L3MBTL4: variants seen among roughly 807,000 people sequenced by gnomAD.
L3MBTL4 encodes lethal(3)malignant brain tumor-like protein 4.
A neutral mutation model predicts 84.5 loss-of-function variants in L3MBTL4; 70 were observed. The observed-to-expected ratio is 0.83, with a 90% CI of 0.68 to 1.01. L3MBTL4 has a LOEUF of 1.01. L3MBTL4 is among the 50% of genes least tolerant of loss of function. L3MBTL4 has a pLI of 0.00. For synonymous variants in L3MBTL4, 274 were observed against 259.8 expected (o/e 1.05, Z -0.52); for missense variants, 715 against 754.8 (o/e 0.95, Z 0.62).
chr18:6,323,968 G>A (rs71360032), intron 1 of L3MBTL4, among the ~76,000 whole-genome samples: 59 of 152,000 alleles, frequency 3.9e-4, no homozygotes, highest in African/African-American at 5.1e-4. Flanking sequence ...GGTTTTGTGC[G>A]TCACACCCAG....
chr18:5,981,102 T>C (rs1165993432), intron 16 of L3MBTL4, among the ~76,000 whole-genome samples: 1 of 152,192 alleles, frequency 6.6e-6, no homozygotes, highest in Non-Finnish European at 1.5e-5. Context: ...TGTACTCAAA[T>C]ATGCTCTCCC....
At chr18:6,307,523 C>A (rs1228044796) in intron 3 of L3MBTL4, among the ~76,000 whole-genome samples, 1 of 152,030 alleles carries the variant, frequency 6.6e-6, no homozygotes, top group Non-Finnish European at 1.5e-5. Flanking sequence ...AATAACAATG[C>A]ATTCAAGGTA....
At position 6,239,709 on chromosome 18, in the gene L3MBTL4, A is replaced by G; in HGVS notation, c.707+9T>C. The G allele has an allele frequency of 6.2e-7, 1 of 1,611,932 alleles. No homozygotes were observed. Among genetic ancestry groups the G allele is most frequent in the Non-Finnish European group, 8.5e-7 (1 of 1,179,458 alleles). On this transcript the variant is annotated intron_variant, in intron 9 of 18. Transcript: ENST00000317931. ...ATACACAAAAATAAAACACACATTC[A>G]TATCTCACCAGTAATCGTAACTATC...
At chr18:6,311,422 CTCAAGCAGAAGCCACATCGTT>C (rs2146943370) in intron 3 of L3MBTL4, 111 bp downstream of exon 3, 1 of 696,320 alleles carries the variant, frequency 1.4e-6, no homozygotes, top group East Asian at 2.6e-5. Flanking sequence ...ACACATAAAG[CTCAAGCAGAAGCCACATCGTT>C]TCAAGTGACT....
At chr18:6,001,108 T>C (rs1026906045) in intron 16 of L3MBTL4, among the ~76,000 whole-genome samples, 1 of 152,212 alleles carries the variant, frequency 6.6e-6, no homozygotes, top group Non-Finnish European at 1.5e-5. Flanking sequence ...GCATGTGGCT[T>C]TCAAGAACCA....
intron 16 of L3MBTL4, among the ~76,000 whole-genome samples, chr18:6,042,859 T>C (rs954124087): frequency 6.6e-6 from 1 of 152,148 alleles, no homozygotes; most frequent in Non-Finnish European, 1.5e-5. Flanking sequence ...ACTTCAGAGG[T>C]TCTGACCCAT....
At chr18:6,347,189 T>C (rs781225609) in intron 1 of L3MBTL4, among the ~76,000 whole-genome samples, 6 of 151,268 alleles carry the variant, frequency 4.0e-5, no homozygotes, top group Non-Finnish European at 7.4e-5. Context: ...AATTGGGAGG[T>C]GATGGATAAA....
chr18:6,031,832 C>G (rs1365952865), intron 16 of L3MBTL4: 35 of 980,742 alleles, frequency 3.6e-5, no homozygotes, highest in Non-Finnish European at 4.2e-5. Context: ...TTTTTAATTT[C>G]ACAGATTTAG....
At chr18:6,217,422 C>T (rs76308051) in intron 10 of L3MBTL4, among the ~76,000 whole-genome samples, 5,389 of 152,160 alleles carry the variant, frequency 0.035, 323 homozygotes, top group African/African-American at 0.12. Flanking sequence ...CTCTGCATTC[C>T]GAATGTGAGG....
chr18:6,176,806 C>CA (rs777078561), intron 12 of L3MBTL4, among the ~76,000 whole-genome samples: 4 of 151,878 alleles, frequency 2.6e-5, no homozygotes, highest in Admixed American at 6.6e-5. Context: ...AGAGACTTGA[C>CA]AAAAAATTCA....
chr18:6,259,924 T>C (rs1180085987), intron 5 of L3MBTL4: 1 of 152,254 alleles, frequency 6.6e-6, no homozygotes, highest in Non-Finnish European at 1.5e-5. Flanking sequence ...GTTTGAGGTC[T>C]TACATTTAAA....
At chr18:6,032,245 G>C in intron 16 of L3MBTL4, 2 of 838,554 alleles carry the variant, frequency 2.4e-6, no homozygotes, top group Non-Finnish European at 2.9e-6. Context: ...CCAAAGTGCT[G>C]GGATTACAGG....
chr18:6,169,342 G>C lies in L3MBTL4; in HGVS notation c.1096+2486C>G, dbSNP rs542294648. 2.0e-5 allele frequency among the ~76,000 whole-genome samples: 3 copies of C among 152,286 alleles called. No individual in the cohort carries two copies. In the East Asian group the frequency reaches 5.8e-4, roughly 29 times the overall value. On this transcript the variant is annotated intron_variant, in intron 13 of 18. Coordinates refer to ENST00000317931, the MANE Select transcript of L3MBTL4 (RefSeq NM_001330559.2). The stretch of plus-strand genomic sequence containing the variant: ...TCCCATTACTGGGTATATACTCAAA[G>C]AATTACAAAACATGCTGCTATAAAG...
chr18:6,289,166 C>T (rs974070624), intron 4 of L3MBTL4, among the ~76,000 whole-genome samples: 1 of 151,886 alleles, frequency 6.6e-6, no homozygotes, highest in Admixed American at 6.6e-5. Flanking sequence ...AAGGTCTAAA[C>T]AAGTTTAAAA....
chr18:6,126,519 A>G (rs1012153952), intron 14 of L3MBTL4, among the ~76,000 whole-genome samples: 7 of 152,202 alleles, frequency 4.6e-5, no homozygotes, highest in African/African-American at 1.7e-4. Context: ...GTAATTTAGA[A>G]TGTTGCACTT....
chr18:6,055,516 T>C (rs1408838595), intron 16 of L3MBTL4, among the ~76,000 whole-genome samples: 4 of 152,232 alleles, frequency 2.6e-5, no homozygotes, highest in Admixed American at 1.3e-4. Flanking sequence ...ACTGATTGAT[T>C]TTTTTGCTGG....
intron 13 of L3MBTL4, among the ~76,000 whole-genome samples, chr18:6,143,872 C>G (rs1418612033): frequency 6.6e-6 from 1 of 152,140 alleles, no homozygotes; most frequent in Non-Finnish European, 1.5e-5. Flanking sequence ...AGATACTCAA[C>G]AAGTATGTTT....
chr18:6,369,217 C>T (rs1349113280), intron 1 of L3MBTL4, among the ~76,000 whole-genome samples: 1 of 152,034 alleles, frequency 6.6e-6, no homozygotes, highest in Non-Finnish European at 1.5e-5. Context: ...CTCAAAATTA[C>T]ACAAATTAAA....
Position 5,982,444 on chromosome 18 carries a change from T to C in L3MBTL4, c.1445-12882A>G, listed in dbSNP as rs16949161. ...ATAGGAGCCAAGAACATTCAATTAG[T>C]CTGAAGCAAGGTCTCTGTCACATGA... On this transcript the variant is annotated intron_variant, in intron 16 of 18. Coordinates refer to ENST00000317931, the MANE Select transcript of L3MBTL4 (RefSeq NM_001330559.2). 4.0e-3 allele frequency among the ~76,000 whole-genome samples: 614 copies of C among 152,306 alleles called. 7 individuals carry two copies. In the East Asian group the frequency reaches 0.056, roughly 14 times the overall value.
Sources: allele counts gnomAD v4.1 joint callset (sites outside exome capture counted in the v4.1 genomes callset), GRCh38; gene constraint gnomAD v4.1.1; transcripts MANE v1.5; gene names NCBI Gene and HGNC (gene_info 2026-07-23, HGNC 2026-07-21).